The following C6orf163 variants were observed in gnomAD, a reference collection of about 807,000 sequenced individuals.
C6orf163 encodes the protein chromosome 6 open reading frame 163, also known as uncharacterized protein C6orf163.
In C6orf163, 22 loss-of-function variants were observed where a neutral mutation model predicts 28.4. The ratio of observed to expected loss-of-function variants is 0.78; its 90% CI spans 0.55 to 1.11. The LOEUF is 1.11. C6orf163 is among the 50% of genes least tolerant of loss of function. C6orf163 has a pLI of 0.00. For missense variants in C6orf163, 342 were observed against 389.1 expected (o/e 0.88, Z 1.02); for synonymous variants, 110 against 123.6 (o/e 0.89, Z 0.73).
Position 87,345,047 on chromosome 6 carries a change from T to G in C6orf163, c.-53T>G. ...CAGCTTTTCTTGAAACGACTTTTTC[T>G]GATTCTAAGATTATTTTAACTGTAA... On this transcript the variant is annotated 5_prime_UTR_variant, in exon 1 of 5. Transcript: ENST00000388923. 1 of 1,428,640 alleles carries G rather than the reference T, an allele frequency of 7.0e-7. No individual in the cohort carries two copies. The highest frequency in any genetic ancestry group is 9.3e-7 in the Non-Finnish European group (1 of 1,078,016). 88.5% of individuals were successfully genotyped at this position (1,428,640 alleles called of 1,614,324 possible). A position where few individuals can be genotyped will look rare whatever the true frequency, so the allele number is the denominator to read the frequency against.
At chr6:87,359,593 T>C (rs1423398821) in intron 4 of C6orf163, among the ~76,000 whole-genome samples, 4 of 152,248 alleles carry the variant, frequency 2.6e-5, no homozygotes, top group Non-Finnish European at 4.4e-5. Context: ...TAATAGCTTA[T>C]TTACAGACTA....
intron 4 of C6orf163, among the ~76,000 whole-genome samples, chr6:87,360,994 C>G (rs1777572204): frequency 6.6e-6 from 1 of 152,142 alleles, no homozygotes; most frequent in Non-Finnish European, 1.5e-5. Flanking sequence ...TATTCAAGCA[C>G]TAAGGCAGGC....
intron 4 of C6orf163, among the ~76,000 whole-genome samples, chr6:87,362,136 T>C (rs1195772832): frequency 6.6e-6 from 1 of 152,188 alleles, no homozygotes; most frequent in East Asian, 1.9e-4. Context: ...CTCACTCTTC[T>C]CTAAGCCTCC....
intron 3 of C6orf163, among the ~76,000 whole-genome samples, chr6:87,354,086 T>C (rs1293648598): frequency 6.6e-6 from 1 of 152,186 alleles, no homozygotes; most frequent in African/African-American, 2.4e-5. Flanking sequence ...CTCGAACTCC[T>C]GGCCTCCAAT....
chr6:87,362,562 C>T (rs1352317578), intron 4 of C6orf163, among the ~76,000 whole-genome samples: 7 of 152,144 alleles, frequency 4.6e-5, no homozygotes, highest in Admixed American at 4.6e-4. Context: ...ACCACAGTTC[C>T]TGCAATACAG....
chr6:87,362,659 C>T (rs1777597952), intron 4 of C6orf163, among the ~76,000 whole-genome samples: 1 of 152,098 alleles, frequency 6.6e-6, no homozygotes, highest in South Asian at 2.1e-4. Flanking sequence ...AGTATAGTGG[C>T]TACGGAGGCT....
In C6orf163 at chr6:87,350,380, T is replaced by A; in HGVS notation, c.244-14T>A. 6.8e-7 allele frequency: 1 copy of A among 1,474,720 alleles called. No individual in the cohort carries two copies. Among genetic ancestry groups the A allele is most frequent in the Non-Finnish European group, 9.1e-7 (1 of 1,093,600 alleles). 91.4% of individuals were successfully genotyped at this position (1,474,720 alleles called of 1,614,324 possible). On this transcript the variant is annotated splice_polypyrimidine_tract_variant and intron_variant, in intron 2 of 4. Coordinates refer to ENST00000388923, the MANE Select transcript of C6orf163 (RefSeq NM_001010868.3). ...CTGATACATTAATAGATAAATGGAC[T>A]CTTTCTTTCAAAGGCTAATGAACGT...
intron 4 of C6orf163, among the ~76,000 whole-genome samples, chr6:87,360,048 T>G (rs149539948): frequency 2.0e-5 from 3 of 152,294 alleles, no homozygotes; most frequent in Admixed American, 2.0e-4. Context: ...CTGAACAACC[T>G]CTACTTGTCA....
intron 1 of C6orf163, chr6:87,348,407 A>G: frequency 1.0e-6 from 1 of 990,260 alleles, no homozygotes; most frequent in Non-Finnish European, 1.2e-6. Context: ...AAGGCATTCC[A>G]CTTCCCTTCT....
At chr6:87,347,891 C>A in intron 1 of C6orf163, 2 of 984,750 alleles carry the variant, frequency 2.0e-6, no homozygotes, top group Non-Finnish European at 2.4e-6. Context: ...CATGGTGGCT[C>A]ACGCCTGTAA....
At chr6:87,352,218 A>G (rs1489678135) in intron 3 of C6orf163, among the ~76,000 whole-genome samples, 1 of 152,190 alleles carries the variant, frequency 6.6e-6, no homozygotes, top group East Asian at 1.9e-4. Flanking sequence ...TCAACCTGTT[A>G]TATCTGTAGG....
At chr6:87,346,312 T>C (rs1290186347) in intron 1 of C6orf163, among the ~76,000 whole-genome samples, 1 of 152,180 alleles carries the variant, frequency 6.6e-6, no homozygotes, top group Admixed American at 6.5e-5. Context: ...CAAATTGGAA[T>C]CATCTTCTAA....
chr6:87,348,488 G>T (rs927135861), intron 1 of C6orf163: 2 of 1,067,438 alleles, frequency 1.9e-6, no homozygotes, highest in Non-Finnish European at 2.3e-6. Context: ...AAGACCTCTT[G>T]AATATTCACT....
At chr6:87,359,291 C>G (rs1777548877) in intron 4 of C6orf163, 2 of 152,274 alleles carry the variant, frequency 1.3e-5, no homozygotes, top group African/African-American at 4.8e-5. Context: ...GAATGAGAAC[C>G]GAATGCGCAA....
chr6:87,348,497 C>G, intron 1 of C6orf163: 4 of 1,075,782 alleles, frequency 3.7e-6, no homozygotes, highest in Non-Finnish European at 4.5e-6. Flanking sequence ...TGAATATTCA[C>G]TCATCATTCT....
At chr6:87,346,759 A>G (rs1365092525) in intron 1 of C6orf163, among the ~76,000 whole-genome samples, 1 of 152,248 alleles carries the variant, frequency 6.6e-6, no homozygotes, top group Non-Finnish European at 1.5e-5. Context: ...ACACAGAGCC[A>G]CTAAATTAGG....
At chr6:87,352,814 C>G (rs866163847) in intron 3 of C6orf163, among the ~76,000 whole-genome samples, 9 of 152,110 alleles carry the variant, frequency 5.9e-5, no homozygotes, top group African/African-American at 2.2e-4. Flanking sequence ...GCAAATTAGG[C>G]ACTTGAGAGG....
rs1206880002 is a variant in C6orf163, at chr6:87,350,427, G to T, written c.277G>T (p.Ala93Ser). The T allele has an allele frequency of 6.5e-7, 1 of 1,535,494 alleles. No homozygotes were observed. The highest frequency in any genetic ancestry group is 1.2e-5 in the South Asian group (1 of 83,552). Residue 93 changes from alanine (A) to serine (S), a missense_variant, in exon 3 of 5, where the codon GCA becomes TCA. Physicochemically the swap from Ala to Ser is moderately conservative, Grantham distance 99. Coordinates refer to ENST00000388923, the MANE Select transcript of C6orf163 (RefSeq NM_001010868.3). ...NERQKQAVEK[A>S]LEEANDRHKI... ...ACGTCAAAAACAAGCAGTGGAGAAA[G>T]CACTTGAAGAAGCAAATGACAGACA...
intron 4 of C6orf163, chr6:87,358,171 A>G (rs1777533976): frequency 6.6e-6 from 1 of 152,208 alleles, no homozygotes; most frequent in African/African-American, 2.4e-5. Flanking sequence ...ATTTTACTAT[A>G]AACTTTCATC....
Sources: gnomAD v4.1 joint callset for allele counts (sites outside exome capture counted in the v4.1 genomes callset) on GRCh38, gnomAD v4.1.1 for gene constraint, MANE v1.5 for transcripts, NCBI Gene and HGNC (gene_info 2026-07-23, HGNC 2026-07-21) for gene names.